L3MBTL3: variants seen among roughly 807,000 people sequenced by gnomAD.
L3MBTL3 encodes lethal(3)malignant brain tumor-like protein 3.
Under a neutral mutation model 102.3 loss-of-function variants are expected in L3MBTL3, and 27 were observed. The observed-to-expected ratio is 0.26, with a 90% CI of 0.19 to 0.36. The LOEUF is 0.36. Ranked by LOEUF, L3MBTL3 falls within the 10% of genes least tolerant of loss-of-function variation. The pLI, the probability that L3MBTL3 is intolerant of heterozygous loss-of-function variation, is 1.00. For missense variants in L3MBTL3, 798 were observed against 955.3 expected (o/e 0.84, Z 2.17); for synonymous variants, 340 against 320.9 (o/e 1.06, Z -0.64).
intron 9 of L3MBTL3, among the ~76,000 whole-genome samples, chr6:130,057,882 G>A (rs1584341584): frequency 6.6e-6 from 1 of 152,150 alleles, no homozygotes. Context: ...GGTGGCTCAC[G>A]CCTGTAATCC....
At chr6:130,048,631 C>A (rs1358646130) in intron 3 of L3MBTL3, among the ~76,000 whole-genome samples, 1 of 152,058 alleles carries the variant, frequency 6.6e-6, no homozygotes, top group African/African-American at 2.4e-5. Flanking sequence ...TGTTCAGGTC[C>A]CAGAGAAATT....
At position 130,049,269 on chromosome 6, in the gene L3MBTL3, G is replaced by GTGT; in HGVS notation, c.103-7_103-5dup. On this transcript the variant is annotated splice_polypyrimidine_tract_variant and intron_variant, in intron 3 of 22. Transcript: ENST00000361794. ...ACTTTTTAAATTTTGCCTTTCTGCT[G>GTGT]TGTTGTTGCTAGTTTCGGGTAAATG... 6.4e-7 allele frequency: 1 copy of GTGT among 1,554,984 alleles called. No homozygotes were observed. The highest frequency in any genetic ancestry group is 2.2e-5 in the East Asian group (1 of 44,540).
intron 10 of L3MBTL3, 67 bp from the exon 11 acceptor site, chr6:130,066,286 G>GTGTATATATATATATATATATATATA (rs1554227522): frequency 2.9e-6 from 1 of 345,374 alleles, no homozygotes; most frequent in African/African-American, 2.1e-5. Context: ...TTATTTTTGT[G>GTGTATATATATATATATATATATATA]TATATATATA....
intron 2 of L3MBTL3, among the ~76,000 whole-genome samples, chr6:130,026,113 A>G (rs1365305588): frequency 7.6e-6 from 1 of 131,722 alleles, no homozygotes; most frequent in Non-Finnish European, 1.8e-5. Context: ...TAAAAACCCT[A>G]TGAAGTGTTG....
chr6:130,066,197 T>G (rs569636498), intron 10 of L3MBTL3, among the ~76,000 whole-genome samples, 156 bp from the exon 11 acceptor site: 2 of 151,896 alleles, frequency 1.3e-5, no homozygotes, highest in Non-Finnish European at 2.9e-5. Context: ...AGATTCTGGT[T>G]ATTTGTTTAG....
chr6:130,131,773 C>A (rs1787068578), intron 20 of L3MBTL3, among the ~76,000 whole-genome samples: 1 of 152,196 alleles, frequency 6.6e-6, no homozygotes, highest in Non-Finnish European at 1.5e-5. Flanking sequence ...GTTGACATGA[C>A]AATTGTAAAC....
At chr6:130,060,192 T>G (rs760896857) in intron 10 of L3MBTL3, 52 bp downstream of exon 10, 1 of 1,145,324 alleles carries the variant, frequency 8.7e-7, no homozygotes, top group Non-Finnish European at 1.3e-6. Flanking sequence ...ATTATGGGGA[T>G]TTAAAATGAG....
At chr6:130,049,599 A>G (rs192793405) in intron 4 of L3MBTL3, 157 bp from the exon 5 acceptor site, 590 of 821,024 alleles carry the variant, frequency 7.2e-4, no homozygotes, top group Admixed American at 2.0e-3. Context: ...TCCTAATGCC[A>G]GATCTGTAGT....
Position 130,057,449 on chromosome 6 carries a change from C to T in L3MBTL3, c.711C>T (p.Tyr237=). 1 of 1,611,330 alleles carries T rather than the reference C, an allele frequency of 6.2e-7. No individual in the cohort carries two copies. The highest frequency in any genetic ancestry group is 8.5e-7 in the Non-Finnish European group (1 of 1,179,296). Residue 237 remains tyrosine, a synonymous_variant, in exon 9 of 23, where the codon TAC becomes TAT. Coordinates refer to ENST00000361794, the MANE Select transcript of L3MBTL3 (RefSeq NM_032438.4). ...KGKKAWCWAS[Y]LEEEKAVAVP... ...AGAAAGCGTGGTGCTGGGCATCCTA[C>T]CTGGAAGAGGAGAAAGCGGTGGCAG...
chr6:130,099,868 A>T (rs552479087), intron 18 of L3MBTL3, among the ~76,000 whole-genome samples: 1 of 152,314 alleles, frequency 6.6e-6, no homozygotes, highest in South Asian at 2.1e-4. Flanking sequence ...TAAGTAAAGG[A>T]GTTAATTTTG....
At chr6:130,097,125 T>A (rs1383921790) in intron 18 of L3MBTL3, among the ~76,000 whole-genome samples, 1 of 152,336 alleles carries the variant, frequency 6.6e-6, no homozygotes, top group South Asian at 2.1e-4. Context: ...TGCTGTCCTA[T>A]TTACAGCACT....
At position 130,133,848 on chromosome 6, in the gene L3MBTL3, A is replaced by G. The variant is rs778989954; in HGVS notation, c.2142A>G (p.Ser714=). The G allele has an allele frequency of 6.2e-7, 1 of 1,612,668 alleles. No homozygotes were observed. Among genetic ancestry groups the G allele is most frequent in the Non-Finnish European group, 8.5e-7 (1 of 1,178,736 alleles). The part of the protein sequence containing the change: ...KVSKWSTDEV[S]EFIQSLPGCE... Reference sequence around the variant, plus strand: ...TTTGATATTGCTTTTGACAGGTGTCAGAATTTATACAGAGCTTACCTGGGT... The same window carrying G: ...TTTGATATTGCTTTTGACAGGTGTCGGAATTTATACAGAGCTTACCTGGGT... Residue 714 remains serine (S), a synonymous_variant, in exon 22 of 23, where the codon TCA becomes TCG. Transcript: ENST00000361794. The surrounding 1 kb of genome is among the most constrained non-coding windows in gnomAD (Gnocchi z 4.9).
At chr6:130,107,829 A>G (rs1303660522) in intron 19 of L3MBTL3, among the ~76,000 whole-genome samples, 1 of 152,226 alleles carries the variant, frequency 6.6e-6, no homozygotes, top group Non-Finnish European at 1.5e-5. Context: ...TTTTCCTCCC[A>G]TGCAACTTTA....
At position 130,066,423 on chromosome 6, in the gene L3MBTL3, A is replaced by G. The variant is rs765924975; in HGVS notation, c.935A>G (p.Asp312Gly). Residue 312 changes from aspartate (D) to glycine (G), a missense_variant, in exon 11 of 23, where the codon GAC (aspartate) becomes GGC (glycine). Asp to Gly is a moderately conservative substitution (Grantham distance 94, BLOSUM62 -1). This residue lies in a region of L3MBTL3 where 434 missense variants were observed against 506.6 expected (regional missense o/e 0.86). Transcript: ENST00000361794. ...TGCTATGACTTCTGGGTGAATGCAG[A>G]CGCTCTGGATATCCACCCAGTTGGG... is the stretch of plus-strand genomic sequence containing the variant. ...SDCYDFWVNA[D>G]ALDIHPVGWC... The G allele has an allele frequency of 6.8e-6, 11 of 1,612,532 alleles. No homozygotes were observed. In the East Asian group the frequency reaches 8.9e-5, roughly 13 times the overall value.
intron 10 of L3MBTL3, among the ~76,000 whole-genome samples, chr6:130,062,287 A>G (rs1325434529): frequency 1.3e-5 from 2 of 152,066 alleles, no homozygotes; most frequent in Non-Finnish European, 2.9e-5. Context: ...ATGACCCTTA[A>G]CAGTTGACTG....
intron 20 of L3MBTL3, among the ~76,000 whole-genome samples, chr6:130,125,766 A>C (rs1199065487): frequency 6.6e-6 from 1 of 152,100 alleles, no homozygotes. Context: ...TGCCCCTTGC[A>C]GTGTGGGTAG....
intron 10 of L3MBTL3, among the ~76,000 whole-genome samples, chr6:130,062,868 G>C (rs1352437920): frequency 1.3e-5 from 2 of 150,118 alleles, no homozygotes; most frequent in Non-Finnish European, 3.0e-5. Flanking sequence ...TCTATCTCTA[G>C]AATTGCAAGG....
At chr6:130,124,350 A>G (rs912100844) in intron 20 of L3MBTL3, among the ~76,000 whole-genome samples, 1 of 152,182 alleles carries the variant, frequency 6.6e-6, no homozygotes. Flanking sequence ...ATATTCAGCC[A>G]GATGTTTGGT....
At chr6:130,069,630 G>C (rs951646881) in intron 12 of L3MBTL3, among the ~76,000 whole-genome samples, 6 of 152,190 alleles carry the variant, frequency 3.9e-5, no homozygotes, top group African/African-American at 1.4e-4. Context: ...CTTATCCCAG[G>C]GAGGAAGGTC....
Sources: gnomAD v4.1 joint callset for allele counts (sites outside exome capture counted in the v4.1 genomes callset) on GRCh38, gnomAD v4.1.1 for gene constraint, gnomAD v4.1.1 regional missense constraint, Gnocchi (gnomAD v3.1) non-coding constraint, MANE v1.5 for transcripts, NCBI Gene and HGNC (gene_info 2026-07-23, HGNC 2026-07-21) for gene names.